Variants in LRP1B observed in about 807,000 individuals in gnomAD.
LRP1B encodes LDL receptor related protein 1B, also known as low-density lipoprotein receptor-related protein 1B.
In LRP1B, 217 loss-of-function variants were observed where a neutral mutation model predicts 556.6. The observed-to-expected ratio is 0.39, with a 90% CI of 0.35 to 0.44. LRP1B has a LOEUF of 0.44. Among genes scored for constraint, LRP1B ranks in the 20% least tolerant of loss-of-function variants. LRP1B has a pLI of 1.00. For missense variants in LRP1B, 5,053 were observed against 5,620.8 expected, an observed-to-expected ratio of 0.90 and a Z score of 3.23; for synonymous variants, 2,047 against 1,865.8, an observed-to-expected ratio of 1.10 and a Z score of -2.50.
chr2:140,971,356 C>T (rs1197084556), intron 18 of LRP1B, among the ~76,000 whole-genome samples: 1 of 152,126 alleles, frequency 6.6e-6, no homozygotes, highest in Non-Finnish European at 1.5e-5. Flanking sequence ...AGGACTTTTT[C>T]CTAGAGCTTT....
intron 1 of LRP1B, among the ~76,000 whole-genome samples, chr2:141,889,752 T>A (rs1699227659): frequency 6.6e-6 from 1 of 152,130 alleles, no homozygotes; most frequent in Non-Finnish European, 1.5e-5. Context: ...AGCCTAATAA[T>A]CAAAATGTAA....
At chr2:141,870,050 A>G (rs1463343796) in intron 1 of LRP1B, among the ~76,000 whole-genome samples, 1 of 152,018 alleles carries the variant, frequency 6.6e-6, no homozygotes, top group African/African-American at 2.4e-5. Context: ...TGGCTGCTAT[A>G]TACTAGTCAT....
At chr2:140,562,736 T>A (rs1211849859) in intron 43 of LRP1B, among the ~76,000 whole-genome samples, 1 of 152,172 alleles carries the variant, frequency 6.6e-6, no homozygotes, top group Admixed American at 6.5e-5. Context: ...TTCTCCTGCC[T>A]CAGCCTCCTG....
chr2:141,376,526 C>G (rs72846101), intron 3 of LRP1B, among the ~76,000 whole-genome samples: 10,320 of 152,158 alleles, frequency 0.068, 501 homozygotes, highest in Non-Finnish European at 0.099. Context: ...GCATTCTTCT[C>G]CGTGGAGGAG....
chr2:140,865,513 ATCT>A (rs1692922097), intron 27 of LRP1B, among the ~76,000 whole-genome samples: 1 of 151,978 alleles, frequency 6.6e-6, no homozygotes, highest in South Asian at 2.1e-4. Context: ...ATGTTCCTGC[ATCT>A]TTTTTCCCTA....
At chr2:140,595,107 T>TATATAG in intron 43 of LRP1B, among the ~76,000 whole-genome samples, 1 of 61,408 alleles carries the variant, frequency 1.6e-5, no homozygotes, top group African/African-American at 7.1e-5. Flanking sequence ...TATATATATA[T>TATATAG]ATATATATAT....
At chr2:142,039,187 G>C (rs1399999226) in intron 1 of LRP1B, among the ~76,000 whole-genome samples, 3 of 151,508 alleles carry the variant, frequency 2.0e-5, no homozygotes, top group African/African-American at 7.3e-5. Context: ...GAATAATTAT[G>C]AAATGTGTAA....
intron 55 of LRP1B, among the ~76,000 whole-genome samples, chr2:140,499,855 A>T (rs1689105051): frequency 6.6e-6 from 1 of 151,972 alleles, no homozygotes; most frequent in Non-Finnish European, 1.5e-5. Flanking sequence ...GTGGTACATA[A>T]CTGTATATAT....
chr2:141,452,839 T>C lies in LRP1B; in HGVS notation c.343+27557A>G, dbSNP rs557071597. Among the ~76,000 whole-genome samples, 10 of 152,304 alleles carry C rather than the reference T, an allele frequency of 6.6e-5. No individual in the cohort carries two copies. The East Asian group carries it at 1.9e-3, about 29-fold the overall frequency. ...CTACTTTTCTTACCCCTCTTGTACCTCCTGGATGTAACTACTCTTTTACCA... is the reference window on the plus strand; with the variant it reads ...CTACTTTTCTTACCCCTCTTGTACCCCCTGGATGTAACTACTCTTTTACCA... On this transcript the variant is annotated intron_variant, in intron 3 of 90. Coordinates refer to ENST00000389484, the MANE Select transcript of LRP1B (RefSeq NM_018557.3).
At chr2:141,869,466 C>G (rs1253432643) in intron 1 of LRP1B, among the ~76,000 whole-genome samples, 1 of 151,864 alleles carries the variant, frequency 6.6e-6, no homozygotes, top group African/African-American at 2.4e-5. Context: ...AAAATTAAAT[C>G]GATACTAATA....
rs746772468 is a variant in LRP1B, at chr2:140,716,728, G to A, written c.5847C>T (p.Thr1949=). 9 of 1,611,504 alleles carry A rather than the reference G, an allele frequency of 5.6e-6. No individual in the cohort carries two copies. Among genetic ancestry groups the A allele is most frequent in the Non-Finnish European group, 7.6e-6 (9 of 1,178,360 alleles). ...RDQTWKEDII[T]NGLGRVEGIA... ...TCCCTTCCACTCTTCCCAAGCCATTGGTAATGATATCTTCTTTCCAAGTCT... is the reference window on the plus strand; with the variant it reads ...TCCCTTCCACTCTTCCCAAGCCATTAGTAATGATATCTTCTTTCCAAGTCT... The change falls in exon 36 of 91, where the codon ACC becomes ACT. Residue 1949 remains threonine, a synonymous_variant. Coordinates refer to ENST00000389484, the MANE Select transcript of LRP1B (RefSeq NM_018557.3).
intron 41 of LRP1B, among the ~76,000 whole-genome samples, chr2:140,676,707 A>G (rs1159055645): frequency 1.3e-5 from 2 of 152,210 alleles, no homozygotes; most frequent in Admixed American, 1.3e-4. Flanking sequence ...AAAAGTATAG[A>G]TAGATTTCTG....
At chr2:140,959,059 T>A (rs1224072258) in intron 18 of LRP1B, among the ~76,000 whole-genome samples, 1 of 146,270 alleles carries the variant, frequency 6.8e-6, no homozygotes, top group African/African-American at 2.5e-5. Context: ...CTGCTCAGAT[T>A]TTTTTTTTTT....
intron 1 of LRP1B, among the ~76,000 whole-genome samples, chr2:141,995,816 A>T (rs1702473869): frequency 6.6e-6 from 1 of 152,242 alleles, no homozygotes; most frequent in African/African-American, 2.4e-5. Context: ...TCTGTGGAAG[A>T]TAATTAAGTG....
At chr2:141,681,912 T>C (rs1276125416) in intron 2 of LRP1B, among the ~76,000 whole-genome samples, 3 of 152,186 alleles carry the variant, frequency 2.0e-5, no homozygotes, top group Non-Finnish European at 4.4e-5. Flanking sequence ...AGTTTTCTAC[T>C]GCACAAAGAG....
rs543447989 is a variant in LRP1B, at chr2:140,935,937, T to C, written c.3137-12790A>G. On this transcript the variant is annotated intron_variant, in intron 20 of 90. Coordinates refer to ENST00000389484, the MANE Select transcript of LRP1B (RefSeq NM_018557.3). ...ATGTGTGATATGTTAAGTGTATATATACACACACACATATACATACATATA... is the reference window on the plus strand; with the variant it reads ...ATGTGTGATATGTTAAGTGTATATACACACACACACATATACATACATATA... Among the ~76,000 whole-genome samples, 5 of 151,840 alleles carry C rather than the reference T, an allele frequency of 3.3e-5. No individual in the cohort carries two copies. The East Asian group carries it at 9.7e-4, about 30-fold the overall frequency.
At chr2:141,234,937 C>T (rs1200577285) in intron 5 of LRP1B, among the ~76,000 whole-genome samples, 1 of 151,990 alleles carries the variant, frequency 6.6e-6, no homozygotes, top group East Asian at 1.9e-4. Flanking sequence ...GAAATATTTT[C>T]TTTTTCAAAA....
At chr2:140,794,522 T>C (rs1690234720) in intron 32 of LRP1B, among the ~76,000 whole-genome samples, 1 of 143,834 alleles carries the variant, frequency 7.0e-6, no homozygotes, top group Non-Finnish European at 1.6e-5. Context: ...CACACACATA[T>C]TTCAAGGGAG....
At chr2:140,739,873 G>A (rs1360946285) in intron 35 of LRP1B, among the ~76,000 whole-genome samples, 1 of 151,984 alleles carries the variant, frequency 6.6e-6, no homozygotes, top group African/African-American at 2.4e-5. Flanking sequence ...GACATGAATG[G>A]ACAATTCTCA....
Sources: gnomAD v4.1 joint callset for allele counts (sites outside exome capture counted in the v4.1 genomes callset) on GRCh38, gnomAD v4.1.1 for gene constraint, MANE v1.5 for transcripts, NCBI Gene and HGNC (gene_info 2026-07-23, HGNC 2026-07-21) for gene names.